DHX34: variants seen among roughly 807,000 people sequenced by gnomAD.
DHX34 encodes probable ATP-dependent RNA helicase DHX34.
In DHX34, 96 loss-of-function variants were observed where a neutral mutation model predicts 111.1. The observed-to-expected ratio is 0.86, with a 90% confidence interval of 0.73 to 1.02. DHX34 has a LOEUF of 1.02. DHX34 is among the 50% of genes least tolerant of loss of function. DHX34 has a pLI of 0.00. For synonymous variants in DHX34, 688 were observed against 670.4 expected, an observed-to-expected ratio of 1.03 and a Z score of -0.41; for missense variants, 1,560 against 1,579.9, an observed-to-expected ratio of 0.99 and a Z score of 0.21.
At position 47,375,948 on chromosome 19, in the gene DHX34, G is replaced by T; in HGVS notation, c.2332G>T (p.Asp778Tyr). The T allele has an allele frequency of 6.2e-7, 1 of 1,602,896 alleles. No individual in the cohort carries two copies. Among genetic ancestry groups the T allele is most frequent in the South Asian group, 1.1e-5 (1 of 90,082 alleles). ...IQDVKFKLRHDLAQLQAAASS... is the reference protein window; with the variant it reads ...IQDVKFKLRHYLAQLQAAASS... Reference sequence around the variant, plus strand: ...GGATGTGAAGTTCAAGCTTCGGCATGACCTGGCGCAGCTGCAGGCCGCTGC... The same window carrying T: ...GGATGTGAAGTTCAAGCTTCGGCATTACCTGGCGCAGCTGCAGGCCGCTGC... The change falls in exon 11 of 17, where the codon GAC becomes TAC. Residue 778 changes from aspartate to tyrosine, a missense_variant. Physicochemically the swap from Asp to Tyr is radical, Grantham distance 160. Transcript: ENST00000328771.
intron 3 of DHX34, among the ~76,000 whole-genome samples, chr19:47,356,601 C>G (rs932875510): frequency 4.0e-5 from 6 of 150,462 alleles, no homozygotes; most frequent in Non-Finnish European, 8.9e-5. Flanking sequence ...TGCACTCCAC[C>G]CTGGGAACAG....
chr19:47,376,134 C>G (rs778924220), intron 11 of DHX34, 37 bp downstream of exon 11: 3 of 1,523,032 alleles, frequency 2.0e-6, no homozygotes, highest in Admixed American at 4.5e-5. Context: ...GTTTTGTCCT[C>G]CAACACACGA....
At chr19:47,349,696 G>A (rs1969226271) in intron 1 of DHX34, among the ~76,000 whole-genome samples, 1 of 152,150 alleles carries the variant, frequency 6.6e-6, no homozygotes, top group South Asian at 2.1e-4. Context: ...GAGTCTTAGA[G>A]CCCACGAGGC....
rs542423820 is a variant in DHX34, at chr19:47,378,096, C to T, written c.2706+890C>T. On this transcript the variant is annotated intron_variant, in intron 13 of 16. Transcript: ENST00000328771. Reference sequence around the variant, plus strand: ...AGCTCCTGGGTCACACTGCCCCCTCCTGCCTCCTGGCTCACTACCAGCACT... The same window carrying T: ...AGCTCCTGGGTCACACTGCCCCCTCTTGCCTCCTGGCTCACTACCAGCACT... Among the ~76,000 whole-genome samples, 9 of 152,304 alleles carry T rather than the reference C, an allele frequency of 5.9e-5. 1 individual carries two copies. Among genetic ancestry groups the T allele is most frequent in the African/African-American group, 1.4e-4 (6 of 41,562 alleles).
At chr19:47,360,579 G>A (rs1024333452) in intron 5 of DHX34, among the ~76,000 whole-genome samples, 2 of 152,038 alleles carry the variant, frequency 1.3e-5, no homozygotes, top group Non-Finnish European at 2.9e-5. Context: ...ATGTCCACCC[G>A]TCAGAGAGGC....
rs371979299 is a variant in DHX34 at position 47,375,493 on chromosome 19, G to T, written c.2092G>T (p.Ala698Ser). ...GCTGTTGGAGGACCACGGGCTGCTG[G>T]CTGGGGCCCAGGCCGCGCAGGTAGG... ...KELLEDHGLL[A>S]GAQAAQVGDS... is the part of the protein sequence containing the mutation. The change falls in exon 10 of 17, where the codon GCT becomes TCT. Residue 698 changes from alanine to serine, a missense_variant. By Grantham distance (99) the Ala-to-Ser change is moderately conservative. Coordinates refer to ENST00000328771, the MANE Select transcript of DHX34 (RefSeq NM_014681.6). The T allele has an allele frequency of 3.2e-6, 5 of 1,579,336 alleles. No individual in the cohort carries two copies. Among genetic ancestry groups the T allele is most frequent in the Admixed American group, 1.8e-5 (1 of 56,832 alleles).
chr19:47,364,896 G>T (rs996323088), intron 6 of DHX34, among the ~76,000 whole-genome samples: 2 of 152,174 alleles, frequency 1.3e-5, no homozygotes, highest in Non-Finnish European at 2.9e-5. Context: ...CCTGCTTCGT[G>T]AGTGGCCGCT....
At chr19:47,373,512 C>A in intron 8 of DHX34, 87 bp from the exon 9 acceptor site, 1 of 1,522,354 alleles carries the variant, frequency 6.6e-7, no homozygotes. Context: ...TGAGGGATGC[C>A]CATTTTGGGG....
rs745415049 is a variant in DHX34 at position 47,353,429 on chromosome 19, C to T, written c.399C>T (p.Phe133=). The part of the protein sequence containing the change: ...RHLPAERVAE[F]RRALLHYLDF... ...TGCCCGCGGAGAGAGTGGCTGAGTT[C>T]CGCCGAGCCCTGTTGCACTACCTGG... is the stretch of plus-strand genomic sequence containing the variant. The change falls in exon 2 of 17, where the codon TTC becomes TTT. Residue 133 remains phenylalanine, a synonymous_variant. Transcript: ENST00000328771. This position sits in a 1 kb window ranked among gnomAD's most constrained non-coding sequence, Gnocchi z 4.6. 1.4e-5 allele frequency: 23 copies of T among 1,614,078 alleles called. No individual in the cohort carries two copies. The South Asian group carries it at 2.1e-4, about 15-fold the overall frequency.
chr19:47,368,871 A>G lies in DHX34; in HGVS notation c.1768+1716A>G, dbSNP rs955602732. On this transcript the variant is annotated intron_variant, in intron 7 of 16. Transcript: ENST00000328771. ...TGAGACTGTAGGTGCCCGCCATCAT[A>G]CCTGGCTAATTTTTGTTTTGTTTTG... Among the ~76,000 whole-genome samples, 17 of 151,330 alleles carry G rather than the reference A, an allele frequency of 1.1e-4. No individual in the cohort carries two copies. The South Asian group carries it at 2.3e-3, about 20-fold the overall frequency.
intron 5 of DHX34, among the ~76,000 whole-genome samples, chr19:47,361,241 T>C (rs1225950405): frequency 6.6e-6 from 1 of 151,708 alleles, no homozygotes; most frequent in Non-Finnish European, 1.5e-5. Flanking sequence ...GCAGGTCACT[T>C]GAAGTTAGGA....
chr19:47,372,670 G>A (rs895895585), intron 7 of DHX34, 60 bp from the exon 8 acceptor site: 24 of 1,484,834 alleles, frequency 1.6e-5, no homozygotes, highest in Non-Finnish European at 2.1e-5. Context: ...GGGCCCCGAG[G>A]GGTGAGGGCT....
Position 47,358,021 on chromosome 19 carries a change from C to A in DHX34, c.1173C>A (p.Ile391=), listed in dbSNP as rs1251414989. 1.2e-6 allele frequency: 2 copies of A among 1,613,614 alleles called. No individual in the cohort carries two copies. The highest frequency in any genetic ancestry group is 2.2e-5 in the South Asian group (2 of 91,090). Reference sequence around the variant, plus strand: ...TCTTCCTCAGCGGCATGGCGGAGATCAGCGCCGTGCTGGAGGCTGCCCAGA... The same window carrying A: ...TCTTCCTCAGCGGCATGGCGGAGATAAGCGCCGTGCTGGAGGCTGCCCAGA... ...LLVFLSGMAE[I]SAVLEAAQTY... is the part of the protein sequence containing the mutation. Residue 391 remains isoleucine (I), a synonymous_variant, in exon 4 of 17, where the codon ATC becomes ATA. Transcript: ENST00000328771.
chr19:47,373,011 T>C (rs1970018980), intron 8 of DHX34, 88 bp downstream of exon 8: 1 of 1,438,812 alleles, frequency 7.0e-7, no homozygotes, highest in Non-Finnish European at 9.2e-7. Flanking sequence ...TGTCCCACCC[T>C]CAGCCCCACC....
intron 15 of DHX34, 57 bp from the exon 16 acceptor site, chr19:47,381,129 C>G (rs1484354586): frequency 1.2e-6 from 2 of 1,603,628 alleles, no homozygotes; most frequent in Non-Finnish European, 1.7e-6. Flanking sequence ...CGGGGGGGCA[C>G]TTGGGTGGTG....
chr19:47,376,503 AG>A lies in DHX34; in HGVS notation c.2543del (p.Ser848ThrfsTer25). On this transcript the variant is annotated frameshift_variant, in exon 12 of 17. Transcript: ENST00000328771. LOFTEE classifies it high-confidence loss of function. ...VLHPTCVFAGSPEVLHAQELE... is the reference protein window; with the variant it reads ...VLHPTCVFAGXPEVLHAQELE... ...GCACCCCACCTGCGTCTTCGCTGGC[AG>A]CCCCGAGGTGCTGCACGCACAGGAG... is the stretch of plus-strand genomic sequence containing the variant. The A allele has an allele frequency of 1.2e-6, 2 of 1,602,866 alleles. No homozygotes were observed. The highest frequency in any genetic ancestry group is 1.7e-6 in the Non-Finnish European group (2 of 1,175,202).
intron 6 of DHX34, 55 bp downstream of exon 6, chr19:47,362,748 C>G: frequency 6.8e-7 from 1 of 1,460,318 alleles, no homozygotes; most frequent in Non-Finnish European, 9.2e-7. Flanking sequence ...AGGGAGGAAC[C>G]TGGGAGGCCT....
intron 5 of DHX34, among the ~76,000 whole-genome samples, chr19:47,361,723 G>A (rs1193195019): frequency 6.6e-6 from 1 of 152,136 alleles, no homozygotes; most frequent in Non-Finnish European, 1.5e-5. Context: ...AGTGAGCCGA[G>A]ATTGTGCCAT....
intron 7 of DHX34, 63 bp from the exon 8 acceptor site, chr19:47,372,667 G>A (rs1259222108): frequency 1.1e-5 from 16 of 1,479,796 alleles, no homozygotes; most frequent in Admixed American, 2.3e-5. Flanking sequence ...CTGGGGCCCC[G>A]AGGGGTGAGG....
Sources: gnomAD v4.1 joint callset for allele counts (sites outside exome capture counted in the v4.1 genomes callset) on GRCh38, gnomAD v4.1.1 for gene constraint, Gnocchi (gnomAD v3.1) non-coding constraint, MANE v1.5 for transcripts, NCBI Gene and HGNC (gene_info 2026-07-23, HGNC 2026-07-21) for gene names.